The following GAS2 variants were observed in gnomAD, a reference collection of about 807,000 sequenced individuals.
The protein encoded by GAS2 is growth arrest specific 2, also known as growth arrest-specific protein 2.
Under a neutral mutation model 37.5 loss-of-function variants are expected in GAS2, and 20 were observed. That is an observed-to-expected ratio of 0.53 (90% CI 0.37 to 0.77). The LOEUF (loss-of-function observed/expected upper bound fraction) is 0.77. Among genes scored for constraint, GAS2 ranks in the 30% least tolerant of loss-of-function variants. The pLI, the probability that GAS2 is intolerant of heterozygous loss-of-function variation, is 0.00. For missense variants in GAS2, 336 were observed against 373.4 expected (o/e 0.90, Z 0.82); for synonymous variants, 144 against 132.2 (o/e 1.09, Z -0.61).
chr11:22,769,195 C>A (rs901032803), intron 7 of GAS2, among the ~76,000 whole-genome samples: 4 of 152,152 alleles, frequency 2.6e-5, no homozygotes. Flanking sequence ...ATATGTGTCA[C>A]AAAACTCCCC....
chr11:22,652,993 G>GTCTTTCTTTCTTTCTTTTTT (rs1848806368), intron 1 of GAS2, among the ~76,000 whole-genome samples: 3 of 97,036 alleles, frequency 3.1e-5, no homozygotes, highest in East Asian at 2.4e-4. Context: ...TTCTTTCTTT[G>GTCTTTCTTTCTTTCTTTTTT]TCTTTCTTTC....
chr11:22,717,321 A>G (rs1387797253), intron 3 of GAS2, among the ~76,000 whole-genome samples: 1 of 152,190 alleles, frequency 6.6e-6, no homozygotes, highest in African/African-American at 2.4e-5. Flanking sequence ...GGAACAAAAT[A>G]TATAACCCAT....
intron 3 of GAS2, among the ~76,000 whole-genome samples, chr11:22,696,053 T>C (rs1371747676): frequency 6.6e-6 from 1 of 151,738 alleles, no homozygotes; most frequent in Non-Finnish European, 1.5e-5. Context: ...TAACTCGTCA[T>C]GTAGCATTAG....
chr11:22,792,701 C>T (rs1856228210), intron 7 of GAS2, among the ~76,000 whole-genome samples: 1 of 152,160 alleles, frequency 6.6e-6, no homozygotes, highest in Non-Finnish European at 1.5e-5. Context: ...CTCTGGGTGG[C>T]CCCATGGAAC....
At chr11:22,685,569 A>G (rs1849899177) in intron 2 of GAS2, 99 bp from the exon 3 acceptor site, 1 of 1,297,318 alleles carries the variant, frequency 7.7e-7, no homozygotes, top group Non-Finnish European at 1.1e-6. Flanking sequence ...TAACTCAGCT[A>G]GAATAGCAAT....
chr11:22,804,396 C>T (rs1461282684), intron 7 of GAS2, among the ~76,000 whole-genome samples: 1 of 152,032 alleles, frequency 6.6e-6, no homozygotes, highest in Non-Finnish European at 1.5e-5. Context: ...TCATTAGATA[C>T]CTTGCTTGAC....
chr11:22,659,486 A>G (rs1335365491), intron 1 of GAS2, among the ~76,000 whole-genome samples: 2 of 152,142 alleles, frequency 1.3e-5, no homozygotes, highest in African/African-American at 4.8e-5. Flanking sequence ...ATTTCTGTGT[A>G]GGATTTGAAA....
At chr11:22,795,424 G>C (rs1345451206) in intron 7 of GAS2, among the ~76,000 whole-genome samples, 1 of 152,016 alleles carries the variant, frequency 6.6e-6, no homozygotes, top group Non-Finnish European at 1.5e-5. Flanking sequence ...CCAGGAGGAG[G>C]GATAGCAATT....
At chr11:22,693,076 C>A (rs1399455305) in intron 3 of GAS2, among the ~76,000 whole-genome samples, 1 of 152,116 alleles carries the variant, frequency 6.6e-6, no homozygotes, top group African/African-American at 2.4e-5. Context: ...CCCTACTATT[C>A]CTGCTTTGCA....
chr11:22,774,137 G>T (rs1855130836), intron 7 of GAS2, among the ~76,000 whole-genome samples: 1 of 152,114 alleles, frequency 6.6e-6, no homozygotes, highest in African/African-American at 2.4e-5. Flanking sequence ...GAGATTACAG[G>T]AGCATGCCAC....
At chr11:22,739,633 C>G (rs376043245) in intron 5 of GAS2, among the ~76,000 whole-genome samples, 1 of 131,944 alleles carries the variant, frequency 7.6e-6, no homozygotes, top group Admixed American at 7.4e-5. Flanking sequence ...GGTAGGAAAT[C>G]AAACTAAATA....
intron 7 of GAS2, among the ~76,000 whole-genome samples, chr11:22,799,727 A>G (rs1369763523): frequency 1.3e-5 from 2 of 152,092 alleles, no homozygotes; most frequent in Non-Finnish European, 2.9e-5. Flanking sequence ...CAATGCAGAT[A>G]TAATTTATAA....
At chr11:22,650,171 A>G (rs1304336856) in intron 1 of GAS2, among the ~76,000 whole-genome samples, 2 of 151,114 alleles carry the variant, frequency 1.3e-5, no homozygotes, top group African/African-American at 2.4e-5. Flanking sequence ...TCATTTCGTT[A>G]TGTACCCAGT....
intron 3 of GAS2, among the ~76,000 whole-genome samples, chr11:22,717,355 C>T (rs1336349718): frequency 6.6e-6 from 1 of 152,074 alleles, no homozygotes. Flanking sequence ...TACTTACAGC[C>T]AGCTGATCTT....
chr11:22,767,041 A>G (rs1335700955), intron 7 of GAS2, among the ~76,000 whole-genome samples: 4 of 152,210 alleles, frequency 2.6e-5, no homozygotes, highest in African/African-American at 9.6e-5. Flanking sequence ...TAATTTTTAC[A>G]TAACATTTTT....
chr11:22,790,261 C>A (rs908148178), intron 7 of GAS2, among the ~76,000 whole-genome samples: 1 of 152,116 alleles, frequency 6.6e-6, no homozygotes, highest in Non-Finnish European at 1.5e-5. Context: ...TAGCCTGGAC[C>A]ACTGCAATAG....
chr11:22,697,277 G>A (rs1479788978), intron 3 of GAS2, among the ~76,000 whole-genome samples: 1 of 151,796 alleles, frequency 6.6e-6, no homozygotes, highest in Non-Finnish European at 1.5e-5. Flanking sequence ...TATTTCTGAG[G>A]GCTCTGTTCT....
chr11:22,699,767 A>G (rs1259853971), intron 3 of GAS2, among the ~76,000 whole-genome samples: 1 of 152,192 alleles, frequency 6.6e-6, no homozygotes, highest in African/African-American at 2.4e-5. Flanking sequence ...AGTATACACA[A>G]GCACTGAGTG....
chr11:22,633,752 C>T (rs1457578553), intron 1 of GAS2, among the ~76,000 whole-genome samples: 6 of 152,128 alleles, frequency 3.9e-5, no homozygotes, highest in African/African-American at 1.4e-4. Flanking sequence ...TGATCCAACT[C>T]CCAGTCACAC....
Sources: allele counts gnomAD v4.1 joint callset (sites outside exome capture counted in the v4.1 genomes callset), GRCh38; gene constraint gnomAD v4.1.1; transcripts MANE v1.5; gene names NCBI Gene and HGNC (gene_info 2026-07-23, HGNC 2026-07-21).